Variants in PTRH1 observed in about 807,000 individuals in gnomAD.
PTRH1 encodes peptidyl-tRNA hydrolase 1 homolog.
A neutral mutation model predicts 15.7 loss-of-function variants in PTRH1; 13 were observed. The ratio of observed to expected loss-of-function variants is 0.83; its 90% CI spans 0.54 to 1.31. PTRH1 has a LOEUF of 1.31. Ranked by LOEUF, PTRH1 falls within the 40% of genes most tolerant of loss-of-function variation. PTRH1 has a pLI of 0.00. For synonymous variants in PTRH1, 139 were observed against 136.7 expected (o/e 1.02, Z -0.12); for missense variants, 319 against 296.2 (o/e 1.08, Z -0.56).
chr9:127,712,844 G>A (rs1356693340), downstream of PTRH1: 3 of 1,613,348 alleles, frequency 1.9e-6, no homozygotes, highest in Admixed American at 1.7e-5. Context: ...TCCCCACCAG[G>A]AGTCACAGTC....
chr9:127,703,634 G>A (rs752222766), intron 1 of PTRH1, among the ~76,000 whole-genome samples: 1 of 152,206 alleles, frequency 6.6e-6, no homozygotes, highest in Non-Finnish European at 1.5e-5. Flanking sequence ...CTCTTCCCCT[G>A]CCTCTTTCCC....
downstream of PTRH1, chr9:127,711,231 T>C (rs775852893): frequency 5.6e-6 from 9 of 1,613,280 alleles, no homozygotes; most frequent in Admixed American, 1.2e-4. Flanking sequence ...CTGGCCAGAC[T>C]GAGGAAAGAG....
chr9:127,714,068 T>A lies in PTRH1; in HGVS notation c.*32A>T, dbSNP rs778399562. 6.2e-7 allele frequency: 1 copy of A among 1,605,656 alleles called. No individual in the cohort carries two copies. Among genetic ancestry groups the A allele is most frequent in the South Asian group, 1.1e-5 (1 of 90,472 alleles). On this transcript the variant is annotated 3_prime_UTR_variant, in exon 5 of 5. Transcript: ENST00000543175. ...TGGCAGTGGCTGGGTTGGTGGGCAC[T>A]ACAGTCAGGCAGGCAGCCATGGCCA...
At chr9:127,695,396 C>T (rs1842550916) in intron 1 of PTRH1, 9 of 468,322 alleles carry the variant, frequency 1.9e-5, no homozygotes, top group East Asian at 3.5e-5. Flanking sequence ...GAGTGAGGGT[C>T]GTGATCAACT....
chr9:127,714,183 G>A lies in PTRH1; in HGVS notation c.562C>T (p.Leu188=). The stretch of plus-strand genomic sequence containing the variant: ...GTGGCTCGATCCAGCAACAGAGGCA[G>A]CAGCTCCTGCTCAGCAGGGGAGAAG... ...GCFSPAEQEL[L]PLLLDRATDL... Residue 188 remains leucine, a synonymous_variant, in exon 5 of 5, where the codon CTG becomes TTG. Coordinates refer to ENST00000543175, the MANE Select transcript of PTRH1 (RefSeq NM_001002913.3). The A allele has an allele frequency of 6.2e-7, 1 of 1,613,980 alleles. No individual in the cohort carries two copies. The highest frequency in any genetic ancestry group is 8.5e-7 in the Non-Finnish European group (1 of 1,180,022).
rs1004749725 is a variant in PTRH1, at chr9:127,699,136, C to T, written c.206-3995G>A. On this transcript the variant is annotated intron_variant, in intron 1 of 2. Transcript: ENST00000335223. Reference sequence around the variant, plus strand: ...ACCTCAAGTCATCCGCCAGCTTCCGCCTCCCAAAGTGCTGGCATTATAGGT... The same window carrying T: ...ACCTCAAGTCATCCGCCAGCTTCCGTCTCCCAAAGTGCTGGCATTATAGGT... Among the ~76,000 whole-genome samples the T allele has an allele frequency of 2.6e-5, 4 of 152,218 alleles. No individual in the cohort carries two copies. The South Asian group carries it at 6.2e-4, about 24-fold the overall frequency.
intron 1 of PTRH1, among the ~76,000 whole-genome samples, chr9:127,703,129 C>T (rs1305431757): frequency 6.6e-6 from 1 of 152,054 alleles, no homozygotes; most frequent in East Asian, 1.9e-4. Context: ...GACACTCATT[C>T]TATTGCCCAA....
intron 1 of PTRH1, among the ~76,000 whole-genome samples, chr9:127,698,225 A>C (rs1842577583): frequency 6.6e-6 from 1 of 152,160 alleles, no homozygotes; most frequent in Non-Finnish European, 1.5e-5. Context: ...CAAGACCCCG[A>C]ATCTATTTAA....
intron 1 of PTRH1, among the ~76,000 whole-genome samples, chr9:127,704,554 G>T (rs921558213): frequency 1.3e-5 from 2 of 151,180 alleles, no homozygotes; most frequent in Non-Finnish European, 3.0e-5. Context: ...TGTAAAAGCC[G>T]TTGGAACCCC....
intron 1 of PTRH1, among the ~76,000 whole-genome samples, chr9:127,699,014 CCTT>C (rs1455789725): frequency 1.3e-5 from 2 of 151,708 alleles, no homozygotes; most frequent in Non-Finnish European, 2.9e-5. Flanking sequence ...GATCCTCCCT[CCTT>C]AGCCTCTGGA....
At chr9:127,707,010 G>A in intron 1 of PTRH1, 1 of 1,612,624 alleles carries the variant, frequency 6.2e-7, no homozygotes, top group East Asian at 2.2e-5. Flanking sequence ...CCTGGGGCCT[G>A]GAGCCCTGGT....
Position 127,714,818 on chromosome 9 carries a change from G to GC in PTRH1, c.317-117dup, listed in dbSNP as rs1331404099. On this transcript the variant is annotated intron_variant, in intron 2 of 4. Transcript: ENST00000543175. ...CCACTTCACATATAAAGAAACTGAG[G>GC]CCCCCCGAAGTACCCAAAGCCATGC... 11 of 1,083,208 alleles carry GC rather than the reference G, an allele frequency of 1.0e-5. No homozygotes were observed. The Admixed American group carries it at 1.4e-4, about 14-fold the overall frequency. The allele number at this position is 1,083,208 out of a possible 1,614,324, so 67.1% of individuals were successfully genotyped here.
chr9:127,714,520 T>C, intron 3 of PTRH1, 83 bp downstream of exon 3: 1 of 1,594,178 alleles, frequency 6.3e-7, no homozygotes, highest in Non-Finnish European at 8.6e-7. Flanking sequence ...CCATTTCCTG[T>C]GGAGACTGGG....
chr9:127,696,885 G>C (rs369000044), intron 1 of PTRH1, among the ~76,000 whole-genome samples: 6 of 152,124 alleles, frequency 3.9e-5, no homozygotes, highest in African/African-American at 1.4e-4. Flanking sequence ...AACATTCTCG[G>C]TATAAGCAGA....
intron 1 of PTRH1, among the ~76,000 whole-genome samples, chr9:127,704,767 C>T (rs1842630206): frequency 6.6e-6 from 1 of 151,978 alleles, no homozygotes; most frequent in Non-Finnish European, 1.5e-5. Context: ...TTGGCCTGTA[C>T]CTAACTCAGA....
downstream of PTRH1, chr9:127,709,625 A>C (rs1842718468): frequency 1.2e-6 from 2 of 1,613,894 alleles, no homozygotes; most frequent in Admixed American, 1.7e-5. This position sits in a 1 kb window ranked among gnomAD's most constrained non-coding sequence, Gnocchi z 4.7. Flanking sequence ...TTCGAGGCGC[A>C]GCTGGCCCAG....
chr9:127,709,659 C>G (rs756501202), downstream of PTRH1: 1 of 1,613,688 alleles, frequency 6.2e-7, no homozygotes. The surrounding 1 kb of genome is among the most constrained non-coding windows in gnomAD (Gnocchi z 4.7). Context: ...TCCAGGAGAC[C>G]AAGGACCAGC....
At chr9:127,712,468 C>T, downstream of PTRH1, 1 of 1,466,212 alleles carries the variant, frequency 6.8e-7, no homozygotes, top group Non-Finnish European at 9.2e-7. Context: ...TGAGAGACTC[C>T]TGGAAAGTCT....
At position 127,715,501 on chromosome 9, in the gene PTRH1, C is replaced by T. The variant is rs1486958924; in HGVS notation, c.96+43G>A. On this transcript the variant is annotated intron_variant, in intron 1 of 4. Coordinates refer to ENST00000543175, the MANE Select transcript of PTRH1 (RefSeq NM_001002913.3). The surrounding 1 kb of genome is among the most constrained non-coding windows in gnomAD (Gnocchi z 5.8). ...CCGGGACATAATGGCCGAACTGAAG[C>T]TAGGGACCGGGAGCCCCTACGTCGC... 8 of 1,612,052 alleles carry T rather than the reference C, an allele frequency of 5.0e-6. No individual in the cohort carries two copies. The highest frequency in any genetic ancestry group is 1.1e-5 in the South Asian group (1 of 91,014).
Sources: allele counts gnomAD v4.1 joint callset (sites outside exome capture counted in the v4.1 genomes callset), GRCh38; gene constraint gnomAD v4.1.1; non-coding constraint Gnocchi (gnomAD v3.1); transcripts MANE v1.5; gene names NCBI Gene and HGNC (gene_info 2026-07-23, HGNC 2026-07-21).